Variants in MYO9A observed in about 807,000 individuals in gnomAD.
MYO9A encodes myosin IXA.
A neutral mutation model predicts 293.3 loss-of-function variants in MYO9A; 103 were observed. That is an observed-to-expected ratio of 0.35 (90% CI 0.30 to 0.41). The LOEUF (loss-of-function observed/expected upper bound fraction) is 0.41. Ranked by LOEUF, MYO9A falls within the 10% of genes least tolerant of loss-of-function variation. The pLI, the probability that MYO9A is intolerant of heterozygous loss-of-function variation, is 1.00. For missense variants in MYO9A, 2,685 were observed against 3,033.0 expected, an observed-to-expected ratio of 0.89 and a Z score of 2.69; for synonymous variants, 1,001 against 1,035.7, an observed-to-expected ratio of 0.97 and a Z score of 0.64.
At chr15:72,003,670 C>G (rs1287674209) in intron 8 of MYO9A, among the ~76,000 whole-genome samples, 1 of 148,434 alleles carries the variant, frequency 6.7e-6, no homozygotes, top group Non-Finnish European at 1.5e-5. Flanking sequence ...CGCCACTGCA[C>G]TCCAGCCTGG....
chr15:71,967,392 G>A (rs2075904800), intron 13 of MYO9A, among the ~76,000 whole-genome samples: 1 of 152,116 alleles, frequency 6.6e-6, no homozygotes, highest in Non-Finnish European at 1.5e-5. Context: ...ATGAATAAAT[G>A]ATCTTAAGAC....
At chr15:71,889,178 C>G (rs1487754366) in intron 26 of MYO9A, among the ~76,000 whole-genome samples, 1 of 152,128 alleles carries the variant, frequency 6.6e-6, no homozygotes. Flanking sequence ...TAGAGATCTA[C>G]AGAAGGTCCA....
intron 2 of MYO9A, among the ~76,000 whole-genome samples, chr15:72,036,226 C>A (rs2078042117): frequency 6.6e-6 from 1 of 152,002 alleles, no homozygotes. Context: ...ATGGTTGCCC[C>A]ATGAATAAAT....
chr15:72,010,353 C>T lies in MYO9A; in HGVS notation c.1250G>A (p.Arg417Lys). The T allele has an allele frequency of 6.2e-7, 1 of 1,612,608 alleles. No individual in the cohort carries two copies. The highest frequency in any genetic ancestry group is 8.5e-7 in the Non-Finnish European group (1 of 1,178,820). The change falls in exon 7 of 42, where the codon AGA becomes AAA. Residue 417 changes from arginine to lysine, a missense_variant. Coordinates refer to ENST00000356056, the MANE Select transcript of MYO9A (RefSeq NM_006901.4). ...AAAATACAACAAGTAAACTCACTGT[C>T]TTCGTGTCTTGGGAAGAAATCCTAC... is the stretch of plus-strand genomic sequence containing the variant. ...EMVGFLPKTR[R>K]QIFSLLSAIL... is the part of the protein sequence containing the mutation.
At chr15:71,902,859 A>G (rs987756003) in intron 22 of MYO9A, 82 bp downstream of exon 22, 2 of 1,139,990 alleles carry the variant, frequency 1.8e-6, no homozygotes, top group African/African-American at 3.3e-5. Flanking sequence ...TATCTTTTTA[A>G]TAAACAATCT....
At chr15:72,062,380 C>T (rs2150013083) in intron 1 of MYO9A, among the ~76,000 whole-genome samples, 1 of 152,258 alleles carries the variant, frequency 6.6e-6, no homozygotes, top group South Asian at 2.1e-4. Flanking sequence ...AGTGAGCAAA[C>T]CTAGACAGAG....
At chr15:71,828,083 C>G in intron 40 of MYO9A, 57 bp from the exon 41 acceptor site, 1 of 1,549,096 alleles carries the variant, frequency 6.5e-7, no homozygotes, top group Non-Finnish European at 8.7e-7. Flanking sequence ...AGGAAGATAA[C>G]AGAAAAAAAG....
chr15:72,092,864 C>T (rs1431905763), intron 1 of MYO9A, among the ~76,000 whole-genome samples: 1 of 151,524 alleles, frequency 6.6e-6, no homozygotes, highest in Non-Finnish European at 1.5e-5. Flanking sequence ...TTTCCATTTA[C>T]TTGTAACAAC....
chr15:72,006,414 G>A (rs1236395382), intron 8 of MYO9A, among the ~76,000 whole-genome samples: 1 of 152,004 alleles, frequency 6.6e-6, no homozygotes, highest in Admixed American at 6.6e-5. Flanking sequence ...TCTTAAGTGC[G>A]TATTACTAAG....
rs1013992690 is a variant in MYO9A, at chr15:71,898,496, T to G, written c.4007A>C (p.Tyr1336Ser). The G allele has an allele frequency of 6.2e-7, 1 of 1,613,970 alleles. No homozygotes were observed. Among genetic ancestry groups the G allele is most frequent in the African/African-American group, 1.3e-5 (1 of 74,936 alleles). ...SSQGSLELLS[Y>S]EESQKSKLES... Reference sequence around the variant, plus strand: ...TAGTTTGCTCTTTTGGCTTTCCTCATAGCTCAGAAGTTCCAAGCTTCCTTG... The same window carrying G: ...TAGTTTGCTCTTTTGGCTTTCCTCAGAGCTCAGAAGTTCCAAGCTTCCTTG... Residue 1336 changes from tyrosine (Y) to serine (S), a missense_variant, in exon 25 of 42, where the codon TAT (tyrosine) becomes TCT (serine). Transcript: ENST00000356056.
chr15:71,942,436 A>G (rs1350362639), intron 15 of MYO9A, among the ~76,000 whole-genome samples: 1 of 151,900 alleles, frequency 6.6e-6, no homozygotes, highest in Admixed American at 6.6e-5. Context: ...CTTAATCCAT[A>G]ATGTTTTTTA....
At chr15:71,883,190 G>A (rs1202091352) in intron 28 of MYO9A, among the ~76,000 whole-genome samples, 2 of 152,108 alleles carry the variant, frequency 1.3e-5, no homozygotes, top group African/African-American at 4.8e-5. Flanking sequence ...CTGTTGTGAG[G>A]AGCAACTGAC....
chr15:71,902,088 A>C (rs950799926), intron 22 of MYO9A, among the ~76,000 whole-genome samples: 2 of 152,184 alleles, frequency 1.3e-5, no homozygotes. Context: ...TAGATATTAT[A>C]TACCCGAAGA....
At chr15:72,011,603 A>G (rs958664899) in intron 6 of MYO9A, among the ~76,000 whole-genome samples, 4 of 152,130 alleles carry the variant, frequency 2.6e-5, no homozygotes, top group African/African-American at 9.7e-5. Context: ...TCAAGAAAAA[A>G]AAAATTGTTG....
intron 38 of MYO9A, 97 bp downstream of exon 38, chr15:71,849,939 A>ATTTATGAAACCATTCACTAT: frequency 7.3e-7 from 1 of 1,378,816 alleles, no homozygotes; most frequent in Non-Finnish European, 1.0e-6. Context: ...AAACACCTGA[A>ATTTATGAAACCATTCACTAT]TTTATGAACC....
chr15:71,904,916 A>C lies in MYO9A; in HGVS notation c.2766+10T>G. ...TGAGATATGTGCTCTCATTTATAGG[A>C]CATTTTTACCTTTTCAGCATTAGAG... On this transcript the variant is annotated intron_variant, in intron 20 of 41. Transcript: ENST00000356056. The C allele has an allele frequency of 6.3e-7, 1 of 1,589,734 alleles. No individual in the cohort carries two copies. The highest frequency in any genetic ancestry group is 1.7e-5 in the Admixed American group (1 of 59,276).
intron 40 of MYO9A, 67 bp downstream of exon 40, chr15:71,830,042 G>T (rs1424938405): frequency 2.0e-6 from 3 of 1,476,550 alleles, no homozygotes; most frequent in Non-Finnish European, 1.9e-6. Flanking sequence ...AAAAAATAAA[G>T]AAACGATAGA....
intron 14 of MYO9A, among the ~76,000 whole-genome samples, chr15:71,954,181 A>T (rs956360426): frequency 6.7e-6 from 1 of 150,040 alleles, no homozygotes; most frequent in Non-Finnish European, 1.5e-5. Flanking sequence ...GGCATGAGCC[A>T]CTGTGCCCGG....
intron 1 of MYO9A, among the ~76,000 whole-genome samples, chr15:72,096,700 T>C (rs886450899): frequency 7.9e-5 from 12 of 152,236 alleles, no homozygotes; most frequent in Admixed American, 2.6e-4. Flanking sequence ...CTTATGGATC[T>C]GGGCAAGGTA....
Sources: allele counts gnomAD v4.1 joint callset (sites outside exome capture counted in the v4.1 genomes callset), GRCh38; gene constraint gnomAD v4.1.1; transcripts MANE v1.5; gene names NCBI Gene and HGNC (gene_info 2026-07-23, HGNC 2026-07-21).